The following KCNIP1 variants were observed in gnomAD, a reference collection of about 807,000 sequenced individuals.
The protein encoded by KCNIP1 is A-type potassium channel modulatory protein KCNIP1.
A neutral mutation model predicts 33.0 loss-of-function variants in KCNIP1; 18 were observed. That is an observed-to-expected ratio of 0.55 (90% CI 0.38 to 0.81). The LOEUF (loss-of-function observed/expected upper bound fraction) is 0.81. KCNIP1 is among the 30% of genes least tolerant of loss of function. The probability of loss-of-function intolerance (pLI) is 0.00; values close to 1 mark genes in which losing one functional copy is unlikely to be tolerated. For missense variants in KCNIP1, 238 were observed against 271.6 expected (o/e 0.88, Z 0.87); for synonymous variants, 93 against 98.3 (o/e 0.95, Z 0.32).
chr5:170,478,605 G>C (rs532078214), intron 1 of KCNIP1, among the ~76,000 whole-genome samples: 9 of 152,144 alleles, frequency 5.9e-5, no homozygotes, highest in Non-Finnish European at 1.3e-4. Context: ...CAGTTTCCCC[G>C]GGGAACCATC....
Position 170,608,625 on chromosome 5 carries a change from G to A in KCNIP1, c.61+103992G>A, listed in dbSNP as rs144277834. On this transcript the variant is annotated intron_variant, in intron 1 of 7. Transcript: ENST00000328939. ...CGTCTCTACTAAAAATACAAAAATT[G>A]GCCAGGTGTGGTGATGGGCACCAGT... Among the ~76,000 whole-genome samples the A allele has an allele frequency of 3.2e-3, 487 of 152,096 alleles. 1 individual carries two copies. The highest frequency in any genetic ancestry group is 0.011 in the African/African-American group (466 of 41,486).
rs1269309824 is a variant in KCNIP1 at position 170,410,320 on chromosome 5, GAAGGTGTA to G, written c.88+56357_88+56364del. 1.3e-3 allele frequency among the ~76,000 whole-genome samples: 192 copies of G among 150,964 alleles called. 1 individual carries two copies. The highest frequency in any genetic ancestry group is 4.5e-3 in the African/African-American group (182 of 40,836). On this transcript the variant is annotated intron_variant, in intron 1 of 7. Transcript: ENST00000377360. The stretch of plus-strand genomic sequence containing the variant: ...CCACTCAGGAGATCGCAGACACAGT[GAAGGTGTA>G]CCAGGTCCCCCACTCAGGAGATCGC...
intron 1 of KCNIP1, among the ~76,000 whole-genome samples, chr5:170,484,865 T>C (rs1399273970): frequency 6.6e-6 from 1 of 151,972 alleles, no homozygotes. Context: ...TCTTCTTCCA[T>C]TTGCCACCCT....
At chr5:170,678,642 C>T (rs567182262) in intron 1 of KCNIP1, 1 of 152,296 alleles carries the variant, frequency 6.6e-6, no homozygotes, top group Admixed American at 6.5e-5. Context: ...CTCAGTATTA[C>T]CTGTTGATGG....
At chr5:170,617,581 C>T (rs1473964174) in intron 1 of KCNIP1, among the ~76,000 whole-genome samples, 3 of 152,196 alleles carry the variant, frequency 2.0e-5, no homozygotes, top group Non-Finnish European at 4.4e-5. Flanking sequence ...TTTCCCAAAG[C>T]TGGTTCTGCT....
chr5:170,667,869 C>T lies in KCNIP1; in HGVS notation c.62-50889C>T, dbSNP rs978388332. On this transcript the variant is annotated intron_variant, in intron 1 of 7. Transcript: ENST00000328939. ...ATTACTTCATCATTCGGGACTCTTC[C>T]GGTTGCAAGTACAAGGAAAGCCAAC... Among the ~76,000 whole-genome samples the T allele has an allele frequency of 5.7e-4, 87 of 152,192 alleles. 1 individual carries two copies. The highest frequency in any genetic ancestry group is 2.1e-3 in the African/African-American group (85 of 41,424).
chr5:170,368,169 T>A (rs1197134003), intron 1 of KCNIP1, among the ~76,000 whole-genome samples: 1 of 152,162 alleles, frequency 6.6e-6, no homozygotes, highest in African/African-American at 2.4e-5. Context: ...TAGATGTGTA[T>A]GGAAAAGTAA....
At chr5:170,598,904 C>CGTGTGCGCGTGTGT (rs1758570711) in intron 1 of KCNIP1, among the ~76,000 whole-genome samples, 2 of 133,776 alleles carry the variant, frequency 1.5e-5, no homozygotes, top group African/African-American at 5.8e-5. Context: ...TGTGTGTGCG[C>CGTGTGCGCGTGTGT]GTGTGTGTGT....
chr5:170,666,064 G>A (rs1181233115), intron 1 of KCNIP1, among the ~76,000 whole-genome samples: 1 of 152,174 alleles, frequency 6.6e-6, no homozygotes, highest in South Asian at 2.1e-4. Context: ...GGAAGTCACT[G>A]TGTGCAACTC....
chr5:170,724,118 A>G (rs1763927438), intron 5 of KCNIP1, among the ~76,000 whole-genome samples: 1 of 152,184 alleles, frequency 6.6e-6, no homozygotes, highest in South Asian at 2.1e-4. Flanking sequence ...AGAAAATCTG[A>G]CTAGCTCTGT....
intron 5 of KCNIP1, among the ~76,000 whole-genome samples, chr5:170,725,941 G>A (rs1763991265): frequency 6.6e-6 from 1 of 152,146 alleles, no homozygotes; most frequent in Non-Finnish European, 1.5e-5. Context: ...AACAAAAATG[G>A]ACATTAACCT....
intron 1 of KCNIP1, among the ~76,000 whole-genome samples, chr5:170,644,222 C>T (rs1302847211): frequency 6.6e-6 from 1 of 152,214 alleles, no homozygotes; most frequent in Non-Finnish European, 1.5e-5. Flanking sequence ...CCTACGTGAC[C>T]TCAGGCTCTG....
chr5:170,426,865 T>G (rs1208853632), intron 1 of KCNIP1, among the ~76,000 whole-genome samples: 1 of 152,272 alleles, frequency 6.6e-6, no homozygotes, highest in Non-Finnish European at 1.5e-5. Context: ...AAGCCATGTT[T>G]TGGCCTCAGG....
intron 1 of KCNIP1, among the ~76,000 whole-genome samples, chr5:170,648,021 G>GA (rs1332204870): frequency 2.6e-5 from 4 of 152,136 alleles, no homozygotes; most frequent in African/African-American, 9.7e-5. Flanking sequence ...GTAAGCATGT[G>GA]AAAAAATGCT....
chr5:170,437,037 A>AT (rs1755882093), intron 1 of KCNIP1, among the ~76,000 whole-genome samples: 1 of 152,330 alleles, frequency 6.6e-6, no homozygotes, highest in Admixed American at 6.5e-5. Flanking sequence ...CATCTATGTG[A>AT]TTTTTTGCCA....
intron 1 of KCNIP1, among the ~76,000 whole-genome samples, chr5:170,403,417 G>A (rs879683655): frequency 1.3e-5 from 2 of 152,308 alleles, no homozygotes; most frequent in Middle Eastern, 6.8e-3. Context: ...TTCTGAATTT[G>A]TTTAAAGTCC....
chr5:170,724,990 A>C (rs1763959189), intron 5 of KCNIP1, among the ~76,000 whole-genome samples: 1 of 152,156 alleles, frequency 6.6e-6, no homozygotes, highest in Non-Finnish European at 1.5e-5. Flanking sequence ...AATAACCAAA[A>C]CATCTGAAAA....
intron 1 of KCNIP1, among the ~76,000 whole-genome samples, chr5:170,604,551 A>G (rs1758825473): frequency 6.6e-6 from 1 of 152,142 alleles, no homozygotes; most frequent in South Asian, 2.1e-4. Flanking sequence ...ATCTCTGTGA[A>G]TGGCGAGGCT....
intron 1 of KCNIP1, chr5:170,378,840 A>G (rs1005667905): frequency 3.1e-6 from 5 of 1,614,144 alleles, no homozygotes; most frequent in Admixed American, 3.3e-5. Flanking sequence ...GCGCTGGAAT[A>G]GGACGCTGGT....
Sources: allele counts gnomAD v4.1 joint callset (sites outside exome capture counted in the v4.1 genomes callset), GRCh38; gene constraint gnomAD v4.1.1; transcripts MANE v1.5; gene names NCBI Gene and HGNC (gene_info 2026-07-23, HGNC 2026-07-21).